Variants in METTL9 observed in about 807,000 individuals in gnomAD.
METTL9 encodes protein-L-histidine N-pros-methyltransferase.
Under a neutral mutation model 36.0 loss-of-function variants are expected in METTL9, and 10 were observed. The observed-to-expected ratio is 0.28, with a 90% CI of 0.17 to 0.47. METTL9 has a LOEUF of 0.47. Among genes scored for constraint, METTL9 ranks in the 20% least tolerant of loss-of-function variants. The probability of loss-of-function intolerance (pLI) is 0.99; values close to 1 mark genes in which losing one functional copy is unlikely to be tolerated. For missense variants in METTL9, 246 were observed against 383.5 expected (o/e 0.64, Z 3.00); for synonymous variants, 175 against 149.7 (o/e 1.17, Z -1.23).
intron 4 of METTL9, among the ~76,000 whole-genome samples, chr16:21,631,592 G>A (rs139959344): frequency 3.9e-5 from 6 of 151,940 alleles, no homozygotes; most frequent in Admixed American, 3.9e-4. Flanking sequence ...TTCCTTAATC[G>A]CCCGGGAGGA....
At chr16:21,640,868 C>T (rs1966244920) in intron 4 of METTL9, 1 of 151,896 alleles carries the variant, frequency 6.6e-6, no homozygotes, top group Non-Finnish European at 1.5e-5. Context: ...TTTGGCACAA[C>T]ACTGACATCT....
At chr16:21,646,158 C>CTT (rs11415948) in intron 4 of METTL9, among the ~76,000 whole-genome samples, 17 of 150,614 alleles carry the variant, frequency 1.1e-4, no homozygotes, top group African/African-American at 2.2e-4. Context: ...GAAATTCCCC[C>CTT]TTTTTTTTTC....
At chr16:21,649,737 C>T (rs1966519974) in intron 4 of METTL9, among the ~76,000 whole-genome samples, 1 of 152,136 alleles carries the variant, frequency 6.6e-6, no homozygotes, top group Non-Finnish European at 1.5e-5. Flanking sequence ...TAGGGTCCCA[C>T]TGTGTCGCCC....
chr16:21,641,639 C>T, intron 4 of METTL9: 1 of 1,240,708 alleles, frequency 8.1e-7, no homozygotes, highest in Non-Finnish European at 1.2e-6. Context: ...GTTATGTAAC[C>T]AATGAAGCCA....
chr16:21,609,405 C>G (rs1965371714), intron 1 of METTL9, among the ~76,000 whole-genome samples: 2 of 152,062 alleles, frequency 1.3e-5, no homozygotes, highest in Admixed American at 6.6e-5. Context: ...ACTGAACATG[C>G]GATTGTCTAC....
At chr16:21,616,632 C>G (rs901825236) in intron 2 of METTL9, among the ~76,000 whole-genome samples, 1 of 152,020 alleles carries the variant, frequency 6.6e-6, no homozygotes, top group Non-Finnish European at 1.5e-5. Flanking sequence ...TTTCTAGGAC[C>G]TTTAGAAATA....
upstream of METTL9, among the ~76,000 whole-genome samples, chr16:21,597,734 G>T (rs191575271): frequency 6.6e-6 from 1 of 152,202 alleles, no homozygotes; most frequent in Admixed American, 6.5e-5. Context: ...TTTTGTGACA[G>T]AGTTGCTTTG....
intron 3 of METTL9, among the ~76,000 whole-genome samples, chr16:21,620,570 G>C (rs1965669792): frequency 6.6e-6 from 1 of 152,176 alleles, no homozygotes; most frequent in African/African-American, 2.4e-5. Flanking sequence ...GGAAACTTCA[G>C]ATGTTTGAAA....
intron 4 of METTL9, among the ~76,000 whole-genome samples, chr16:21,633,324 C>T (rs936109260): frequency 2.0e-5 from 3 of 152,190 alleles, no homozygotes; most frequent in Admixed American, 1.3e-4. Context: ...CTAGAGCAGC[C>T]TGCTGGCACG....
intron 4 of METTL9, chr16:21,652,386 GA>G: frequency 1.9e-6 from 1 of 537,316 alleles, no homozygotes; most frequent in Non-Finnish European, 3.2e-6. Flanking sequence ...TTTCTCAGGG[GA>G]AAAAGGAAAC....
At chr16:21,648,525 C>G (rs1966485923) in intron 4 of METTL9, among the ~76,000 whole-genome samples, 1 of 152,208 alleles carries the variant, frequency 6.6e-6, no homozygotes, top group South Asian at 2.1e-4. Flanking sequence ...AAGGTGTTCA[C>G]AGAGCTGGGA....
rs761300424 is a variant in METTL9, at chr16:21,600,488, G to A, written c.165+590G>A. Reference sequence around the variant, plus strand: ...GACAGGTTGTCGCTCCCATCCTACGGAACCTTCCCCTCCTACCTAGCAGAG... The same window carrying A: ...GACAGGTTGTCGCTCCCATCCTACGAAACCTTCCCCTCCTACCTAGCAGAG... On this transcript the variant is annotated intron_variant, in intron 1 of 4. Coordinates refer to ENST00000358154, the MANE Select transcript of METTL9 (RefSeq NM_016025.5). Among the ~76,000 whole-genome samples, 106 of 152,290 alleles carry A rather than the reference G, an allele frequency of 7.0e-4. 1 individual carries two copies. The highest frequency in any genetic ancestry group is 1.2e-3 in the Non-Finnish European group (85 of 68,006).
intron 4 of METTL9, chr16:21,647,363 A>C: frequency 6.2e-7 from 1 of 1,614,112 alleles, no homozygotes; most frequent in African/African-American, 1.3e-5. Context: ...GCGAAACCAC[A>C]GGCATGTTGG....
At chr16:21,638,295 G>A (rs1966158471) in intron 4 of METTL9, among the ~76,000 whole-genome samples, 1 of 152,196 alleles carries the variant, frequency 6.6e-6, no homozygotes, top group East Asian at 1.9e-4. Flanking sequence ...TCCAGCCTGA[G>A]CGTCAAGAGC....
At chr16:21,612,147 A>C (rs1965439017) in intron 1 of METTL9, 1 of 152,444 alleles carries the variant, frequency 6.6e-6, no homozygotes, top group Admixed American at 6.5e-5. Context: ...TCTGTTGCTT[A>C]CTTTGCTATT....
chr16:21,624,812 CAG>C, intron 3 of METTL9, 117 bp from the exon 4 acceptor site: 2 of 839,862 alleles, frequency 2.4e-6, no homozygotes. Flanking sequence ...TAAATTATAA[CAG>C]AAGATTTTGA....
At chr16:21,650,296 C>G (rs1966534143) in intron 4 of METTL9, among the ~76,000 whole-genome samples, 1 of 152,098 alleles carries the variant, frequency 6.6e-6, no homozygotes, top group African/African-American at 2.4e-5. Flanking sequence ...CACCTGAGGT[C>G]AGGCGTTCGA....
At chr16:21,607,080 A>ATT (rs781076160) in intron 1 of METTL9, among the ~76,000 whole-genome samples, 13 of 144,750 alleles carry the variant, frequency 9.0e-5, no homozygotes, top group East Asian at 2.0e-4. Flanking sequence ...TTAATGAGAA[A>ATT]TTTTTTTTTT....
At chr16:21,600,343 C>T (rs1326770071) in intron 1 of METTL9, among the ~76,000 whole-genome samples, 1 of 152,154 alleles carries the variant, frequency 6.6e-6, no homozygotes. Context: ...CTCTTGTTGT[C>T]TCGTTGAATC....
Sources: allele counts gnomAD v4.1 joint callset (sites outside exome capture counted in the v4.1 genomes callset), GRCh38; gene constraint gnomAD v4.1.1; transcripts MANE v1.5; gene names NCBI Gene and HGNC (gene_info 2026-07-23, HGNC 2026-07-21).